The following CNTN5 variants were observed in gnomAD, a reference collection of about 807,000 sequenced individuals.
CNTN5 encodes the protein contactin-5.
A neutral mutation model predicts 129.1 loss-of-function variants in CNTN5; 77 were observed. The ratio of observed to expected loss-of-function variants is 0.60; its 90% CI spans 0.50 to 0.72. The LOEUF is 0.72. Ranked by LOEUF, CNTN5 falls within the 30% of genes least tolerant of loss-of-function variation. CNTN5 has a pLI of 0.00. For missense variants in CNTN5, 1,478 were observed against 1,328.8 expected (o/e 1.11, Z -1.75); for synonymous variants, 509 against 465.6 (o/e 1.09, Z -1.20).
intron 2 of CNTN5, among the ~76,000 whole-genome samples, chr11:99,466,462 A>G (rs975759602): frequency 6.6e-6 from 1 of 152,140 alleles, no homozygotes; most frequent in African/African-American, 2.4e-5. Flanking sequence ...GTTGTGTTTT[A>G]CTTTGATGTG....
At chr11:99,804,381 C>G (rs576392632) in intron 3 of CNTN5, among the ~76,000 whole-genome samples, 1 of 152,034 alleles carries the variant, frequency 6.6e-6, no homozygotes, top group Admixed American at 6.5e-5. Flanking sequence ...AGGAATAGTG[C>G]AAGTTGTCTT....
intron 6 of CNTN5, among the ~76,000 whole-genome samples, chr11:99,875,033 G>A (rs1345198627): frequency 6.6e-6 from 1 of 152,110 alleles, no homozygotes; most frequent in Non-Finnish European, 1.5e-5. Flanking sequence ...ACAGATTACT[G>A]GAGGTGCTCA....
intron 1 of CNTN5, among the ~76,000 whole-genome samples, chr11:99,194,330 A>G (rs1215384152): frequency 2.6e-5 from 4 of 152,182 alleles, no homozygotes; most frequent in African/African-American, 9.6e-5. Context: ...ATTAGACCAC[A>G]AAGATGAGAT....
At chr11:99,456,411 C>T (rs1018833316) in intron 2 of CNTN5, among the ~76,000 whole-genome samples, 2 of 151,912 alleles carry the variant, frequency 1.3e-5, no homozygotes, top group South Asian at 2.1e-4. Context: ...TGTTAAATAT[C>T]GAAAAGTAAA....
intron 3 of CNTN5, among the ~76,000 whole-genome samples, chr11:99,766,738 T>C (rs1170784643): frequency 1.3e-5 from 2 of 152,074 alleles, no homozygotes; most frequent in African/African-American, 4.8e-5. Flanking sequence ...TTAAAGCAGA[T>C]TTTTTATGCT....
intron 1 of CNTN5, among the ~76,000 whole-genome samples, chr11:99,129,479 G>A (rs10892795): frequency 0.66 from 100,055 of 152,022 alleles, 33,817 homozygotes; most frequent in African/African-American, 0.81. Context: ...GACCAAACCT[G>A]CAACTCACTG....
At chr11:99,673,637 C>G (rs1477960184) in intron 3 of CNTN5, among the ~76,000 whole-genome samples, 2 of 152,066 alleles carry the variant, frequency 1.3e-5, no homozygotes, top group African/African-American at 4.8e-5. Context: ...TGTTGTTCCC[C>G]TCTATATGTC....
chr11:99,649,037 A>G (rs891728239), intron 3 of CNTN5, among the ~76,000 whole-genome samples: 27 of 151,748 alleles, frequency 1.8e-4, no homozygotes, highest in African/African-American at 6.0e-4. Context: ...AATATTTTCA[A>G]TAAGAGAAGA....
rs1055838744 is a variant in CNTN5, at chr11:100,357,903, G to T, written c.*1683G>T. 1 of 151,742 alleles carries T rather than the reference G, an allele frequency of 6.6e-6. No individual in the cohort carries two copies. Among genetic ancestry groups the T allele is most frequent in the African/African-American group, 2.4e-5 (1 of 41,406 alleles). The allele number at this position is 151,742 out of a possible 1,614,324, so 9.4% of individuals were successfully genotyped here. A position where few individuals can be genotyped will look rare whatever the true frequency, so the allele number is the denominator to read the frequency against. ...GATGTAAGACACCCTAAACAAACAA[G>T]AAATTAGTTAAAAGACTCACTCAAT... is the stretch of plus-strand genomic sequence containing the variant. On this transcript the variant is annotated 3_prime_UTR_variant, in exon 25 of 25. Coordinates refer to ENST00000524871, the MANE Select transcript of CNTN5 (RefSeq NM_014361.4).
rs373258375 is a variant in CNTN5 at position 99,614,777 on chromosome 11, A to AT, written c.55+58517dup. Among the ~76,000 whole-genome samples the AT allele has an allele frequency of 3.0e-3, 453 of 151,286 alleles. 4 individuals carry two copies. The highest frequency in any genetic ancestry group is 9.6e-3 in the African/African-American group (395 of 41,304). Reference sequence around the variant, plus strand: ...CCCTATTTTCCTAGTCCATTGCCTTATTTTTTTTTATTGTACCCCACTTGA... The same window carrying AT: ...CCCTATTTTCCTAGTCCATTGCCTTATTTTTTTTTTATTGTACCCCACTTGA... On this transcript the variant is annotated intron_variant, in intron 3 of 24. Coordinates refer to ENST00000524871, the MANE Select transcript of CNTN5 (RefSeq NM_014361.4).
At chr11:99,565,927 A>G (rs1027670280) in intron 3 of CNTN5, among the ~76,000 whole-genome samples, 3 of 152,214 alleles carry the variant, frequency 2.0e-5, no homozygotes, top group Admixed American at 2.0e-4. Flanking sequence ...GGTCATACAG[A>G]GTGGTATAAA....
At chr11:100,231,003 T>C (rs1949475424) in intron 16 of CNTN5, among the ~76,000 whole-genome samples, 2 of 152,378 alleles carry the variant, frequency 1.3e-5, no homozygotes, top group Middle Eastern at 3.4e-3. Context: ...TTTGTGGAGA[T>C]AAATTCTTAG....
intron 1 of CNTN5, among the ~76,000 whole-genome samples, chr11:99,090,885 G>T (rs10892768): frequency 0.24 from 35,894 of 151,730 alleles, 4,543 homozygotes; most frequent in Middle Eastern, 0.29. Flanking sequence ...AGCCCGTCGC[G>T]GTGGCAGGCG....
At chr11:99,709,610 T>C (rs1954889245) in intron 3 of CNTN5, among the ~76,000 whole-genome samples, 1 of 151,896 alleles carries the variant, frequency 6.6e-6, no homozygotes, top group African/African-American at 2.4e-5. Context: ...AAATTTCACA[T>C]TTCTAAATTG....
chr11:99,164,384 A>G (rs1860776050), intron 1 of CNTN5, among the ~76,000 whole-genome samples: 1 of 151,906 alleles, frequency 6.6e-6, no homozygotes, highest in African/African-American at 2.4e-5. Context: ...GTATCTATAT[A>G]CTTACCTAAA....
At chr11:100,127,334 G>A (rs1011794093) in intron 13 of CNTN5, among the ~76,000 whole-genome samples, 6 of 151,790 alleles carry the variant, frequency 4.0e-5, no homozygotes, top group Non-Finnish European at 7.4e-5. Flanking sequence ...TTGCTTGCCT[G>A]GAAAAGATGA....
At chr11:100,307,960 A>G (rs988794057) in intron 20 of CNTN5, among the ~76,000 whole-genome samples, 1 of 151,678 alleles carries the variant, frequency 6.6e-6, no homozygotes, top group Non-Finnish European at 1.5e-5. Context: ...AACTTACCCA[A>G]AGGTAAATAA....
At chr11:99,127,351 G>T (rs1432903908) in intron 1 of CNTN5, among the ~76,000 whole-genome samples, 7 of 152,110 alleles carry the variant, frequency 4.6e-5, no homozygotes, top group Admixed American at 4.6e-4. Flanking sequence ...GATGTCATCT[G>T]TTACTCCATA....
chr11:99,631,434 T>A (rs943777308), intron 3 of CNTN5, among the ~76,000 whole-genome samples: 15 of 151,916 alleles, frequency 9.9e-5, no homozygotes, highest in African/African-American at 3.6e-4. Flanking sequence ...ACGAAATCAA[T>A]AATAATATAA....
Sources: gnomAD v4.1 joint callset for allele counts (sites outside exome capture counted in the v4.1 genomes callset) on GRCh38, gnomAD v4.1.1 for gene constraint, MANE v1.5 for transcripts, NCBI Gene and HGNC (gene_info 2026-07-23, HGNC 2026-07-21) for gene names.